Variants in SMAD3 observed in about 807,000 individuals in gnomAD.
SMAD3 encodes the protein SMAD family member 3, also known as MAD homolog 3.
SMAD3 carries 12 observed loss-of-function variants against 51.8 expected under a neutral mutation model. The observed-to-expected ratio is 0.23, with a 90% CI of 0.15 to 0.38. The LOEUF (loss-of-function observed/expected upper bound fraction) is 0.38, where lower values mean the gene tolerates loss of function less well. SMAD3 is among the 10% of genes least tolerant of loss of function. The pLI is 1.00. For synonymous variants in SMAD3, 238 were observed against 227.7 expected (o/e 1.05, Z -0.41); for missense variants, 294 against 565.6 (o/e 0.52, Z 4.87).
chr15:67,073,628 A>G (rs1247690462), intron 1 of SMAD3, among the ~76,000 whole-genome samples: 1 of 152,064 alleles, frequency 6.6e-6, no homozygotes, highest in Non-Finnish European at 1.5e-5. Flanking sequence ...ACTCTATTGG[A>G]GGGCCTTTCT....
At chr15:67,133,388 T>C (rs948780598) in intron 1 of SMAD3, among the ~76,000 whole-genome samples, 5 of 144,106 alleles carry the variant, frequency 3.5e-5, no homozygotes, top group Non-Finnish European at 6.0e-5. Flanking sequence ...TTATATGCCC[T>C]TTTTTTTTTT....
chr15:67,175,669 G>T (rs760623137), intron 5 of SMAD3, among the ~76,000 whole-genome samples: 2 of 152,166 alleles, frequency 1.3e-5, no homozygotes, highest in African/African-American at 2.4e-5. Flanking sequence ...CGTGAGTCAG[G>T]GTTAGGATTC....
chr15:67,187,603 GCC>G, intron 8 of SMAD3, 94 bp downstream of exon 8: 3 of 1,495,472 alleles, frequency 2.0e-6, no homozygotes, highest in Non-Finnish European at 2.8e-6. Context: ...AGCTAGGCCA[GCC>G]CTAGCGTCAA....
rs1961690883 is a variant in SMAD3 at position 67,137,270 on chromosome 15, G to A, written c.207-27625G>A. Among the ~76,000 whole-genome samples, 3 of 152,198 alleles carry A rather than the reference G, an allele frequency of 2.0e-5. 1 individual carries two copies. The highest frequency in any genetic ancestry group is 2.0e-4 in the Admixed American group (3 of 15,288). ...ACAGATATAAACACTTGAACCAGGTGATATCAGCACTGCAAGTTGATTTAG... is the reference window on the plus strand; with the variant it reads ...ACAGATATAAACACTTGAACCAGGTAATATCAGCACTGCAAGTTGATTTAG... On this transcript the variant is annotated intron_variant, in intron 1 of 8. Coordinates refer to ENST00000327367, the MANE Select transcript of SMAD3 (RefSeq NM_005902.4).
At position 67,086,299 on chromosome 15, in the gene SMAD3, C is replaced by T. The variant is rs115743823; in HGVS notation, c.206+19939C>T. 6.1e-3 allele frequency among the ~76,000 whole-genome samples: 929 copies of T among 152,254 alleles called. 10 individuals are homozygous for T. The highest frequency in any genetic ancestry group is 0.022 in the African/African-American group (901 of 41,528). On this transcript the variant is annotated intron_variant, in intron 1 of 8. Coordinates refer to ENST00000327367, the MANE Select transcript of SMAD3 (RefSeq NM_005902.4). ...CTGCTGCTTTGGTGAGAGAGTGTCC[C>T]TGTCTTTGGCTGAGAGCATCCTGTC...
intron 1 of SMAD3, among the ~76,000 whole-genome samples, chr15:67,066,710 G>C (rs2140189729): frequency 6.6e-6 from 1 of 152,224 alleles, no homozygotes; most frequent in Non-Finnish European, 1.5e-5. Flanking sequence ...CGCTTTGTTC[G>C]GCTCCGCGGG....
At chr15:67,169,313 G>A (rs1317516574) in intron 4 of SMAD3, among the ~76,000 whole-genome samples, 3 of 152,054 alleles carry the variant, frequency 2.0e-5, no homozygotes, top group African/African-American at 4.8e-5. Flanking sequence ...GGAGAAATCC[G>A]TGGTTCTTCC....
rs147362800 is a variant in SMAD3, at chr15:67,087,909, T to TG, written c.206+21549_206+21550insG. On this transcript the variant is annotated intron_variant, in intron 1 of 8. Transcript: ENST00000327367. The stretch of plus-strand genomic sequence containing the variant: ...TGGTCTCTGTGCTTTGAAATTGTTT[T>TG]TGCTGTGATGCCAGCCCTGCCTGAA... Among the ~76,000 whole-genome samples the TG allele has an allele frequency of 4.8e-3, 724 of 152,346 alleles. 9 individuals carry two copies. Among genetic ancestry groups the TG allele is most frequent in the African/African-American group, 0.017 (707 of 41,580 alleles).
At chr15:67,175,185 C>T (rs1438783326) in intron 5 of SMAD3, among the ~76,000 whole-genome samples, 1 of 152,118 alleles carries the variant, frequency 6.6e-6, no homozygotes, top group Non-Finnish European at 1.5e-5. Context: ...GTAAGTTGTT[C>T]CCTGCTTTAA....
At chr15:67,077,633 G>A (rs1024631120) in intron 1 of SMAD3, among the ~76,000 whole-genome samples, 3 of 152,224 alleles carry the variant, frequency 2.0e-5, no homozygotes, top group African/African-American at 7.2e-5. Context: ...ATATTTGGGA[G>A]CCTAGAGGAA....
chr15:67,169,085 A>G (rs575895468), intron 4 of SMAD3, among the ~76,000 whole-genome samples: 29 of 152,218 alleles, frequency 1.9e-4, no homozygotes, highest in South Asian at 4.1e-4. Flanking sequence ...GCATTTTTAT[A>G]TGCACAGTCT....
At chr15:67,151,356 G>A (rs902645173) in intron 1 of SMAD3, among the ~76,000 whole-genome samples, 20 of 141,512 alleles carry the variant, frequency 1.4e-4, no homozygotes, top group African/African-American at 4.4e-4. Flanking sequence ...ATTTTGAGAC[G>A]GAGTCTCTCT....
chr15:67,190,657 T>C lies in SMAD3; in HGVS notation c.*121T>C. The C allele has an allele frequency of 9.4e-7, 1 of 1,060,158 alleles. No homozygotes were observed. The allele number at this position is 1,060,158 out of a possible 1,614,324, so 65.7% of individuals were successfully genotyped here. On this transcript the variant is annotated 3_prime_UTR_variant, in exon 9 of 9. Transcript: ENST00000327367. ...GAAGAAGAAATCTTTCTCCCTCAAC[T>C]GAAGGGGTGCACCCACCTGTTTTCT...
intron 1 of SMAD3, among the ~76,000 whole-genome samples, chr15:67,074,373 G>A (rs1451995152): frequency 1.3e-5 from 2 of 152,212 alleles, no homozygotes; most frequent in Non-Finnish European, 2.9e-5. Flanking sequence ...AGGCATTATA[G>A]AGGATACCTG....
rs184944557 is a variant in SMAD3 at position 67,166,066 on chromosome 15, G to A, written c.532+682G>A. On this transcript the variant is annotated intron_variant, in intron 3 of 8. Coordinates refer to ENST00000327367, the MANE Select transcript of SMAD3 (RefSeq NM_005902.4). ...TAGAGCATTCTAATTTGGACGTGAC[G>A]TTCATCCTGGGTTAGTTTACTGGGC... 280 of 496,216 alleles carry A rather than the reference G, an allele frequency of 5.6e-4. 1 individual carries two copies. The highest frequency in any genetic ancestry group is 5.6e-3 in the African/African-American group (266 of 47,698). 30.7% of individuals were successfully genotyped at this position (496,216 alleles called of 1,614,324 possible).
intron 1 of SMAD3, among the ~76,000 whole-genome samples, chr15:67,074,708 G>A (rs978648323): frequency 1.4e-4 from 21 of 151,364 alleles, no homozygotes; most frequent in African/African-American, 4.6e-4. Context: ...TTTGTTTTTT[G>A]AGACGGAGTC....
rs78357581 is a variant in SMAD3, at chr15:67,085,868, GCACACA to G, written c.206+19535_206+19540del. Among the ~76,000 whole-genome samples, 193 of 100,152 alleles carry G rather than the reference GCACACA, an allele frequency of 1.9e-3. 2 individuals are homozygous for G. The highest frequency in any genetic ancestry group is 6.3e-3 in the Middle Eastern group (1 of 158). 65.7% of individuals were successfully genotyped at this position (100,152 alleles called of 152,430 possible). A position where few individuals can be genotyped will look rare whatever the true frequency, so the allele number is the denominator to read the frequency against. On this transcript the variant is annotated intron_variant, in intron 1 of 8. Transcript: ENST00000327367. Reference sequence around the variant, plus strand: ...TAGTGGTTGGTCAAAAAAAAAGCGTGCACACACACACACACACACACACACACACAC... The same window carrying G: ...TAGTGGTTGGTCAAAAAAAAAGCGTGCACACACACACACACACACACACAC...
At chr15:67,118,805 A>C (rs1426330150) in intron 1 of SMAD3, among the ~76,000 whole-genome samples, 1 of 152,206 alleles carries the variant, frequency 6.6e-6, no homozygotes, top group African/African-American at 2.4e-5. Flanking sequence ...TTGGGAACCC[A>C]AGCCAGGTGA....
intron 5 of SMAD3, among the ~76,000 whole-genome samples, chr15:67,179,200 G>A (rs970258889): frequency 4.6e-5 from 7 of 152,190 alleles, no homozygotes; most frequent in Non-Finnish European, 7.4e-5. Flanking sequence ...TCTGTCTGGA[G>A]GATGGCTTTA....
Sources: gnomAD v4.1 joint callset for allele counts (sites outside exome capture counted in the v4.1 genomes callset) on GRCh38, gnomAD v4.1.1 for gene constraint, MANE v1.5 for transcripts, NCBI Gene and HGNC (gene_info 2026-07-23, HGNC 2026-07-21) for gene names.